Variants in FRMD6 observed in about 807,000 individuals in gnomAD.
The protein encoded by FRMD6 is FERM domain-containing protein 6.
In FRMD6, 37 loss-of-function variants were observed where a neutral mutation model predicts 73.2. The ratio of observed to expected loss-of-function variants is 0.51; its 90% CI spans 0.39 to 0.66. The LOEUF (loss-of-function observed/expected upper bound fraction) is 0.66, where lower values mean the gene tolerates loss of function less well. Among genes scored for constraint, FRMD6 ranks in the 30% least tolerant of loss-of-function variants. FRMD6 has a pLI of 0.00. For missense variants in FRMD6, 714 were observed against 780.5 expected, an observed-to-expected ratio of 0.91 and a Z score of 1.02; for synonymous variants, 273 against 282.2, an observed-to-expected ratio of 0.97 and a Z score of 0.33.
intron 1 of FRMD6, among the ~76,000 whole-genome samples, chr14:51,533,115 C>G (rs1011896310): frequency 6.6e-6 from 1 of 152,222 alleles, no homozygotes; most frequent in African/African-American, 2.4e-5. Flanking sequence ...TTTTGCAGCT[C>G]TCTTGATTTT....
chr14:51,650,820 AG>A (rs112843208), upstream of FRMD6: 5,587 of 152,412 alleles, frequency 0.037, 117 homozygotes, highest in Middle Eastern at 0.071. Flanking sequence ...CCTTTAGCGA[AG>A]GGCTCAGTGA....
At chr14:51,405,368 G>A in the FRMD6 span, among the ~76,000 whole-genome samples, 1 of 152,084 alleles carries the variant, frequency 6.6e-6, no homozygotes, top group African/African-American at 2.4e-5. Context: ...TTCCACAATG[G>A]TTAAACTAAT....
chr14:51,726,752 A>G (rs184420463), intron 13 of FRMD6, among the ~76,000 whole-genome samples: 22 of 152,256 alleles, frequency 1.4e-4, no homozygotes, highest in African/African-American at 5.3e-4. Context: ...GGATGACCAA[A>G]TGATTCTATG....
intron 1 of FRMD6, chr14:51,554,655 A>G (rs1406130846): frequency 1.3e-5 from 2 of 152,354 alleles, no homozygotes; most frequent in South Asian, 2.1e-4. Context: ...GACATTCTAC[A>G]AAATATCCGA....
At chr14:51,705,223 A>G (rs534196698) in intron 6 of FRMD6, among the ~76,000 whole-genome samples, 2 of 152,108 alleles carry the variant, frequency 1.3e-5, no homozygotes, top group East Asian at 1.9e-4. Context: ...CTTCTTGCCT[A>G]CTCTTACCGA....
At chr14:51,670,978 A>G (rs1160790049) in intron 1 of FRMD6, among the ~76,000 whole-genome samples, 2 of 152,158 alleles carry the variant, frequency 1.3e-5, no homozygotes, top group Non-Finnish European at 2.9e-5. Context: ...CATATGTTAA[A>G]TTTTATCAGC....
chr14:51,477,023 A>T, the FRMD6 span, among the ~76,000 whole-genome samples: 2 of 152,248 alleles, frequency 1.3e-5, no homozygotes, highest in Non-Finnish European at 2.9e-5. Flanking sequence ...CTAATCTAGG[A>T]GTTACATTTG....
chr14:51,462,919 A>G, the FRMD6 span, among the ~76,000 whole-genome samples: 1 of 152,210 alleles, frequency 6.6e-6, no homozygotes, highest in African/African-American at 2.4e-5. Context: ...TGTGACATTA[A>G]GCAAGTAACT....
chr14:51,425,169 T>C, the FRMD6 span, among the ~76,000 whole-genome samples: 1 of 152,180 alleles, frequency 6.6e-6, no homozygotes, highest in African/African-American at 2.4e-5. Context: ...TGTTGGGCAA[T>C]GGACGGGACT....
At chr14:51,604,675 C>T (rs138128894) in intron 2 of FRMD6, among the ~76,000 whole-genome samples, 1,933 of 152,202 alleles carry the variant, frequency 0.013, 70 homozygotes, top group Admixed American at 0.075. Context: ...CAAGGAGCAT[C>T]CCTTGGGTAG....
the FRMD6 span, among the ~76,000 whole-genome samples, chr14:51,438,568 G>T: frequency 6.6e-6 from 1 of 152,102 alleles, no homozygotes; most frequent in Non-Finnish European, 1.5e-5. Flanking sequence ...CACTTTACAG[G>T]AAAACCTCAG....
chr14:51,476,180 T>C, the FRMD6 span, among the ~76,000 whole-genome samples: 5 of 152,138 alleles, frequency 3.3e-5, no homozygotes, highest in African/African-American at 7.2e-5. Flanking sequence ...AGACCACAGC[T>C]GGGCATAGAG....
the FRMD6 span, among the ~76,000 whole-genome samples, chr14:51,421,630 C>G: frequency 6.6e-6 from 1 of 152,218 alleles, no homozygotes; most frequent in African/African-American, 2.4e-5. Context: ...AGGGAACCTC[C>G]TCTCTGATCT....
intron 2 of FRMD6, among the ~76,000 whole-genome samples, chr14:51,644,937 A>C (rs1891998709): frequency 6.6e-6 from 1 of 152,184 alleles, no homozygotes; most frequent in Non-Finnish European, 1.5e-5. Flanking sequence ...TCTTTTCTCC[A>C]TACATGTCAA....
chr14:51,454,533 C>G, the FRMD6 span: 1 of 152,256 alleles, frequency 6.6e-6, no homozygotes, highest in South Asian at 2.1e-4. Flanking sequence ...AGTCCCACCA[C>G]TGCTTAGCCT....
At chr14:51,488,537 C>A (rs923154440), upstream of FRMD6, among the ~76,000 whole-genome samples, 3 of 152,224 alleles carry the variant, frequency 2.0e-5, no homozygotes, top group Non-Finnish European at 2.9e-5. Context: ...AGTACTACCA[C>A]CTTCTTGGAA....
At chr14:51,494,159 A>G (rs1883166160) in intron 1 of FRMD6, among the ~76,000 whole-genome samples, 1 of 152,220 alleles carries the variant, frequency 6.6e-6, no homozygotes, top group African/African-American at 2.4e-5. Flanking sequence ...CATGCAAAAT[A>G]CATTCATTGC....
chr14:51,583,106 C>A lies in FRMD6; in HGVS notation c.-147+12696C>A, dbSNP rs547406815. ...TGTCAGTAAATCCATTAGAAATTCTCATTCCCAACTCTTAGAATTCATCTA... is the reference window on the plus strand; with the variant it reads ...TGTCAGTAAATCCATTAGAAATTCTAATTCCCAACTCTTAGAATTCATCTA... On this transcript the variant is annotated intron_variant, in intron 2 of 14. Coordinates refer to the FRMD6 transcript ENST00000356218. Among the ~76,000 whole-genome samples the A allele has an allele frequency of 8.9e-4, 136 of 152,284 alleles. No homozygotes were observed. In the Middle Eastern group the frequency reaches 0.01, roughly 11 times the overall value.
rs112816584 is a variant in FRMD6, at chr14:51,721,692, C to CAGGA, written c.1361-233_1361-230dup. On this transcript the variant is annotated intron_variant, in intron 11 of 13. Transcript: ENST00000344768. ...AAGTAGTACCTGTTGAAAATGGTCCCAGGAAGGAAGGAAGGAAGGAAGGAA... is the reference window on the plus strand; with the variant it reads ...AAGTAGTACCTGTTGAAAATGGTCCCAGGAAGGAAGGAAGGAAGGAAGGAAGGAA... Among the ~76,000 whole-genome samples the CAGGA allele has an allele frequency of 6.3e-3, 655 of 104,460 alleles. 12 individuals carry two copies. The highest frequency in any genetic ancestry group is 0.026 in the African/African-American group (612 of 23,546). 68.5% of individuals were successfully genotyped at this position (104,460 alleles called of 152,430 possible).
Sources: allele counts gnomAD v4.1 joint callset (sites outside exome capture counted in the v4.1 genomes callset), GRCh38; gene constraint gnomAD v4.1.1; transcripts MANE v1.5; gene names NCBI Gene and HGNC (gene_info 2026-07-23, HGNC 2026-07-21).